EYA1: variants seen among roughly 807,000 people sequenced by gnomAD.
EYA1 encodes EYA transcriptional coactivator and phosphatase 1.
EYA1 carries 16 observed loss-of-function variants against 82.0 expected under a neutral mutation model. That is an observed-to-expected ratio of 0.20 (90% CI 0.13 to 0.30). The LOEUF (loss-of-function observed/expected upper bound fraction) is 0.30. EYA1 is among the 10% of genes least tolerant of loss of function. The probability of loss-of-function intolerance (pLI) is 1.00; values close to 1 mark genes in which losing one functional copy is unlikely to be tolerated. For missense variants in EYA1, 633 were observed against 730.7 expected, an observed-to-expected ratio of 0.87 and a Z score of 1.54; for synonymous variants, 261 against 264.4, an observed-to-expected ratio of 0.99 and a Z score of 0.12.
chr8:71,474,043 C>T lies in EYA1; in HGVS notation c.33+61701G>A, dbSNP rs1435530803. Among the ~76,000 whole-genome samples, 5 of 151,810 alleles carry T rather than the reference C, an allele frequency of 3.3e-5. No individual in the cohort carries two copies. In the East Asian group the frequency reaches 9.7e-4, roughly 29 times the overall value. On this transcript the variant is annotated intron_variant, in intron 2 of 18. Transcript: ENST00000643681. ...GGAGGGGAACATCACATACCGGGGC[C>T]TGTTATTGGGGGGTGCATAGAAGAG...
chr8:71,306,616 T>A (rs1298477254), intron 7 of EYA1, among the ~76,000 whole-genome samples: 1 of 152,110 alleles, frequency 6.6e-6, no homozygotes, highest in Non-Finnish European at 1.5e-5. Flanking sequence ...TAGGATGTGA[T>A]CACTGCTATA....
intron 12 of EYA1, among the ~76,000 whole-genome samples, chr8:71,219,867 C>T (rs1482910825): frequency 6.6e-6 from 1 of 152,184 alleles, no homozygotes; most frequent in Non-Finnish European, 1.5e-5. Context: ...TTCTCAGACA[C>T]CATCTATCTA....
At chr8:71,454,938 A>C (rs1027224482) in intron 2 of EYA1, among the ~76,000 whole-genome samples, 11 of 152,242 alleles carry the variant, frequency 7.2e-5, no homozygotes, top group Non-Finnish European at 1.3e-4. Context: ...ACTGAACGAG[A>C]TAGAGACACA....
At chr8:71,318,736 T>A (rs62506651) in intron 6 of EYA1, among the ~76,000 whole-genome samples, 4 of 152,188 alleles carry the variant, frequency 2.6e-5, no homozygotes, top group Non-Finnish European at 5.9e-5. Flanking sequence ...GTCTTACTGT[T>A]TATTTCCATT....
intron 6 of EYA1, among the ~76,000 whole-genome samples, chr8:71,320,030 C>T (rs1822362478): frequency 6.6e-6 from 1 of 152,160 alleles, no homozygotes; most frequent in South Asian, 2.1e-4. Context: ...CTCCCTTATC[C>T]CCATCTATCC....
intron 1 of EYA1, among the ~76,000 whole-genome samples, chr8:71,537,229 G>A (rs902088303): frequency 2.0e-5 from 3 of 152,108 alleles, no homozygotes; most frequent in African/African-American, 7.2e-5. Flanking sequence ...CCATATTAAA[G>A]CACTATGTTT....
At chr8:71,435,349 A>G (rs573552960) in intron 2 of EYA1, among the ~76,000 whole-genome samples, 6 of 152,272 alleles carry the variant, frequency 3.9e-5, no homozygotes, top group African/African-American at 1.4e-4. Context: ...GAGCTAACAT[A>G]TAGTGATACA....
intron 2 of EYA1, among the ~76,000 whole-genome samples, chr8:71,381,331 TG>T (rs1828688862): frequency 1.3e-5 from 2 of 152,302 alleles, no homozygotes; most frequent in African/African-American, 4.8e-5. Flanking sequence ...CAAATTTCGA[TG>T]GGAACAAATG....
chr8:71,444,810 T>A (rs1335939592), intron 2 of EYA1, among the ~76,000 whole-genome samples: 1 of 152,222 alleles, frequency 6.6e-6, no homozygotes, highest in Admixed American at 6.5e-5. Flanking sequence ...ATCGACCAGA[T>A]TTCACTTCGT....
At chr8:71,450,375 G>A (rs1807262344) in intron 2 of EYA1, among the ~76,000 whole-genome samples, 1 of 152,192 alleles carries the variant, frequency 6.6e-6, no homozygotes, top group Non-Finnish European at 1.5e-5. Context: ...TTTGACTATT[G>A]TTGTGTCTCA....
intron 2 of EYA1, among the ~76,000 whole-genome samples, chr8:71,418,831 C>G (rs1830994714): frequency 1.3e-5 from 2 of 152,024 alleles, no homozygotes; most frequent in Admixed American, 6.6e-5. Flanking sequence ...GGGAGGTGCT[C>G]TTCTACACAG....
chr8:71,449,625 G>T (rs998307063), intron 2 of EYA1, among the ~76,000 whole-genome samples: 8 of 152,206 alleles, frequency 5.3e-5, no homozygotes, highest in African/African-American at 1.7e-4. Flanking sequence ...AGAGCCCTGA[G>T]ATTTTCAGAA....
At chr8:71,221,163 G>A (rs1809858108) in intron 12 of EYA1, among the ~76,000 whole-genome samples, 1 of 152,186 alleles carries the variant, frequency 6.6e-6, no homozygotes, top group South Asian at 2.1e-4. Context: ...GCTTGTCCTT[G>A]TGGCTTTTGT....
At chr8:71,231,408 G>A (rs1362063649) in intron 12 of EYA1, among the ~76,000 whole-genome samples, 1 of 152,080 alleles carries the variant, frequency 6.6e-6, no homozygotes, top group Non-Finnish European at 1.5e-5. Context: ...TGTGTGTTCT[G>A]TGCTTTATAC....
chr8:71,267,474 A>G (rs1419062269), intron 11 of EYA1, among the ~76,000 whole-genome samples: 1 of 152,206 alleles, frequency 6.6e-6, no homozygotes, highest in African/African-American at 2.4e-5. Context: ...TGAAGGATAC[A>G]CTTATATTTA....
chr8:71,305,674 T>TA (rs368912331), intron 7 of EYA1, among the ~76,000 whole-genome samples: 2 of 151,558 alleles, frequency 1.3e-5, no homozygotes, highest in African/African-American at 4.9e-5. Context: ...AATAAATAAA[T>TA]AATTGTTAAC....
At chr8:71,467,525 T>C (rs1808869733) in intron 2 of EYA1, among the ~76,000 whole-genome samples, 1 of 152,192 alleles carries the variant, frequency 6.6e-6, no homozygotes, top group South Asian at 2.1e-4. Context: ...TTTCCAAGTT[T>C]GGCACCTTTG....
intron 1 of EYA1, among the ~76,000 whole-genome samples, chr8:71,359,968 T>C (rs1310736468): frequency 2.0e-5 from 3 of 152,180 alleles, no homozygotes; most frequent in Non-Finnish European, 4.4e-5. Context: ...CCTCAATCGA[T>C]ATCTCCAACT....
chr8:71,334,576 G>A (rs566182969), intron 3 of EYA1, among the ~76,000 whole-genome samples: 58 of 152,284 alleles, frequency 3.8e-4, no homozygotes, highest in Admixed American at 5.9e-4. Flanking sequence ...TGGGGAAGCA[G>A]GAAGTAAGTG....
Sources: allele counts gnomAD v4.1 joint callset (sites outside exome capture counted in the v4.1 genomes callset), GRCh38; gene constraint gnomAD v4.1.1; transcripts MANE v1.5; gene names NCBI Gene and HGNC (gene_info 2026-07-23, HGNC 2026-07-21).